PARD3: variants seen among roughly 807,000 people sequenced by gnomAD.
PARD3 encodes the protein par-3 family cell polarity regulator.
In PARD3, 75 loss-of-function variants were observed where a neutral mutation model predicts 155.4. That is an observed-to-expected ratio of 0.48 (90% CI 0.40 to 0.58). PARD3 has a LOEUF of 0.58. Among genes scored for constraint, PARD3 ranks in the 20% least tolerant of loss-of-function variants. The pLI, the probability that PARD3 is intolerant of heterozygous loss-of-function variation, is 0.00. For synonymous variants in PARD3, 576 were observed against 610.5 expected (o/e 0.94, Z 0.83); for missense variants, 1,642 against 1,721.7 (o/e 0.95, Z 0.82).
At chr10:34,759,295 C>T (rs1440245717) in intron 1 of PARD3, among the ~76,000 whole-genome samples, 7 of 151,836 alleles carry the variant, frequency 4.6e-5, no homozygotes, top group Admixed American at 3.3e-4. Flanking sequence ...AACTTAGGTC[C>T]TAAATGGTCC....
chr10:34,476,628 C>G (rs1184621079), intron 3 of PARD3, among the ~76,000 whole-genome samples: 1 of 152,098 alleles, frequency 6.6e-6, no homozygotes, highest in Non-Finnish European at 1.5e-5. Context: ...TTTAGAAGTT[C>G]CCTTTAATAC....
chr10:34,342,813 C>A (rs910028515), intron 15 of PARD3, among the ~76,000 whole-genome samples: 1 of 152,214 alleles, frequency 6.6e-6, no homozygotes, highest in African/African-American at 2.4e-5. Flanking sequence ...CTGCATTCCT[C>A]ATTTAACATC....
intron 19 of PARD3, among the ~76,000 whole-genome samples, chr10:34,320,964 T>C (rs1293977951): frequency 6.6e-6 from 1 of 152,216 alleles, no homozygotes. Context: ...AAACATAAGA[T>C]GTTCTTTTAA....
chr10:34,608,935 G>A (rs140086175), intron 2 of PARD3, among the ~76,000 whole-genome samples: 11 of 152,272 alleles, frequency 7.2e-5, no homozygotes, highest in Non-Finnish European at 1.5e-4. Context: ...GTCTACAGGA[G>A]AGTAGAAATA....
intron 2 of PARD3, among the ~76,000 whole-genome samples, chr10:34,637,796 C>T (rs528517747): frequency 5.9e-5 from 9 of 152,318 alleles, no homozygotes; most frequent in African/African-American, 2.2e-4. Context: ...GAAACAAAAA[C>T]AGAAGTGAAC....
intron 14 of PARD3, among the ~76,000 whole-genome samples, chr10:34,356,207 A>G (rs1838862165): frequency 6.6e-6 from 1 of 152,150 alleles, no homozygotes; most frequent in African/African-American, 2.4e-5. Context: ...TTAGGGAAAT[A>G]CAGGGCTTTA....
intron 5 of PARD3, among the ~76,000 whole-genome samples, chr10:34,418,276 G>T (rs903070350): frequency 6.6e-6 from 1 of 152,134 alleles, no homozygotes; most frequent in African/African-American, 2.4e-5. Context: ...CTGGGTTCAA[G>T]TGATCCTCCC....
At chr10:34,560,870 G>A (rs2085411825) in intron 2 of PARD3, among the ~76,000 whole-genome samples, 1 of 152,196 alleles carries the variant, frequency 6.6e-6, no homozygotes, top group South Asian at 2.1e-4. Context: ...TGAATCTGAT[G>A]AGGTATTTGG....
intron 22 of PARD3, among the ~76,000 whole-genome samples, chr10:34,263,269 T>G (rs1955117361): frequency 6.6e-6 from 1 of 152,214 alleles, no homozygotes; most frequent in Admixed American, 6.5e-5. Flanking sequence ...TTAACACAGT[T>G]AATCCTTCCC....
At chr10:34,318,467 C>G (rs1958154390) in intron 19 of PARD3, among the ~76,000 whole-genome samples, 1 of 152,162 alleles carries the variant, frequency 6.6e-6, no homozygotes, top group Admixed American at 6.5e-5. Context: ...ATGGTTCGGC[C>G]TCTTCCCAAA....
At chr10:34,254,597 T>C (rs1954556572) in intron 22 of PARD3, among the ~76,000 whole-genome samples, 1 of 151,164 alleles carries the variant, frequency 6.6e-6, no homozygotes, top group South Asian at 2.1e-4. Context: ...TTTAGCTCTT[T>C]CCCATTTAGG....
chr10:34,461,783 G>A (rs1427235226), intron 4 of PARD3, among the ~76,000 whole-genome samples: 1 of 152,074 alleles, frequency 6.6e-6, no homozygotes, highest in Non-Finnish European at 1.5e-5. Flanking sequence ...CCTCTGTGAT[G>A]TATGTAACTT....
intron 3 of PARD3, among the ~76,000 whole-genome samples, chr10:34,486,055 C>T (rs1271175174): frequency 1.3e-5 from 2 of 151,466 alleles, no homozygotes; most frequent in Non-Finnish European, 2.9e-5. Context: ...TACCAAGCAG[C>T]TGGGACTACA....
intron 2 of PARD3, among the ~76,000 whole-genome samples, chr10:34,596,938 G>A (rs1166826698): frequency 6.6e-6 from 1 of 152,170 alleles, no homozygotes; most frequent in African/African-American, 2.4e-5. Flanking sequence ...GCTCCCAGCT[G>A]TAGACTTAAA....
chr10:34,164,022 A>C (rs981048932), intron 22 of PARD3, among the ~76,000 whole-genome samples: 1 of 152,210 alleles, frequency 6.6e-6, no homozygotes, highest in South Asian at 2.1e-4. Flanking sequence ...GTCAAGAGTA[A>C]ACATGCACAA....
chr10:34,230,328 C>T (rs1952855915), intron 22 of PARD3, among the ~76,000 whole-genome samples: 1 of 152,128 alleles, frequency 6.6e-6, no homozygotes, highest in South Asian at 2.1e-4. Context: ...GAACTTTGTG[C>T]CTCTTCCATC....
intron 2 of PARD3, among the ~76,000 whole-genome samples, chr10:34,646,857 C>A (rs2092853025): frequency 6.6e-6 from 1 of 151,848 alleles, no homozygotes; most frequent in Non-Finnish European, 1.5e-5. Flanking sequence ...TTTTTATTAT[C>A]ATTATTTTTT....
At chr10:34,172,168 G>A (rs1949827602) in intron 22 of PARD3, among the ~76,000 whole-genome samples, 1 of 151,904 alleles carries the variant, frequency 6.6e-6, no homozygotes, top group Non-Finnish European at 1.5e-5. Flanking sequence ...AGAAACATGT[G>A]GCTTAAATTT....
Position 34,119,596 on chromosome 10 carries a change from G to GC in PARD3, c.3668+16dup, listed in dbSNP as rs1230078816. On this transcript the variant is annotated intron_variant, in intron 24 of 24. Coordinates refer to ENST00000374788, the MANE Select transcript of PARD3 (RefSeq NM_001184785.2). Reference sequence around the variant, plus strand: ...AGGGCCGGGGGGATCTGGAGGCTCGGCCAAGCGTCCTCATACCGAGGCAGA... The same window carrying GC: ...AGGGCCGGGGGGATCTGGAGGCTCGGCCCAAGCGTCCTCATACCGAGGCAGA... 3 of 1,582,600 alleles carry GC rather than the reference G, an allele frequency of 1.9e-6. No individual in the cohort carries two copies. The East Asian group carries it at 6.8e-5, about 36-fold the overall frequency.
Sources: gnomAD v4.1 joint callset for allele counts (sites outside exome capture counted in the v4.1 genomes callset) on GRCh38, gnomAD v4.1.1 for gene constraint, MANE v1.5 for transcripts, NCBI Gene and HGNC (gene_info 2026-07-23, HGNC 2026-07-21) for gene names.